TPRG1: variants seen among roughly 807,000 people sequenced by gnomAD.
TPRG1 encodes tumor protein p63-regulated gene 1 protein.
TPRG1 carries 29 observed loss-of-function variants against 29.3 expected under a neutral mutation model. That is an observed-to-expected ratio of 0.99 (90% confidence interval 0.74 to 1.35). The LOEUF is 1.35. TPRG1 is among the 40% of genes most tolerant of loss of function. TPRG1 has a pLI of 0.00. For synonymous variants in TPRG1, 130 were observed against 116.8 expected (o/e 1.11, Z -0.73); for missense variants, 327 against 335.0 (o/e 0.98, Z 0.19).
At chr3:189,298,190 C>G (rs1560669511) in intron 4 of TPRG1, among the ~76,000 whole-genome samples, 1 of 152,142 alleles carries the variant, frequency 6.6e-6, no homozygotes, top group Non-Finnish European at 1.5e-5. Context: ...CATTTCTTGA[C>G]TTTGTACATA....
At chr3:189,003,782 T>G (rs1302353672) in intron 2 of TPRG1, among the ~76,000 whole-genome samples, 2 of 152,194 alleles carry the variant, frequency 1.3e-5, no homozygotes, top group Non-Finnish European at 2.9e-5. Flanking sequence ...AGACTCTTTG[T>G]GTATGCCAGA....
chr3:189,236,179 T>C (rs935917220), intron 3 of TPRG1, among the ~76,000 whole-genome samples: 6 of 152,206 alleles, frequency 3.9e-5, no homozygotes, highest in East Asian at 1.9e-4. Flanking sequence ...TCCTGACATG[T>C]AAATTATGCA....
chr3:189,107,950 C>T lies in TPRG1; in HGVS notation c.-744+7746C>T, dbSNP rs534122278. Among the ~76,000 whole-genome samples, 24 of 152,058 alleles carry T rather than the reference C, an allele frequency of 1.6e-4. No individual in the cohort carries two copies. In the South Asian group the frequency reaches 2.9e-3, roughly 18 times the overall value. ...ATTGCATAGAATCATAAGGTTGTATCGTAACAAGAGATTTTATAGGCCGTT... is the reference window on the plus strand; with the variant it reads ...ATTGCATAGAATCATAAGGTTGTATTGTAACAAGAGATTTTATAGGCCGTT... On this transcript the variant is annotated intron_variant, in intron 1 of 6. Coordinates refer to the TPRG1 transcript ENST00000412373.
At chr3:189,061,502 A>G (rs1437305490) in intron 4 of TPRG1, among the ~76,000 whole-genome samples, 2 of 152,246 alleles carry the variant, frequency 1.3e-5, no homozygotes, top group African/African-American at 2.4e-5. Flanking sequence ...GAGTAAACAG[A>G]CAATGTACAG....
chr3:189,019,085 T>A (rs1446859428), intron 3 of TPRG1, among the ~76,000 whole-genome samples: 2 of 151,802 alleles, frequency 1.3e-5, no homozygotes, highest in African/African-American at 4.8e-5. Context: ...TGATTTTGTA[T>A]CCTGAGACTT....
chr3:189,076,537 T>C (rs1261622277), intron 4 of TPRG1, among the ~76,000 whole-genome samples: 1 of 152,174 alleles, frequency 6.6e-6, no homozygotes, highest in Non-Finnish European at 1.5e-5. Flanking sequence ...GACTGTTTTT[T>C]TTTTTACAAA....
At chr3:189,210,762 T>A in intron 2 of TPRG1, among the ~76,000 whole-genome samples, 1 of 151,946 alleles carries the variant, frequency 6.6e-6, no homozygotes, top group South Asian at 2.1e-4. Flanking sequence ...TAGTGATCAC[T>A]GACTTGCCCA....
At chr3:189,286,071 A>AAACATGCT (rs1718011265) in intron 4 of TPRG1, among the ~76,000 whole-genome samples, 1 of 152,102 alleles carries the variant, frequency 6.6e-6, no homozygotes, top group Non-Finnish European at 1.5e-5. Context: ...ACTCTGCTAG[A>AAACATGCT]AACATGCTGG....
chr3:189,175,609 A>C (rs775464920), intron 1 of TPRG1, among the ~76,000 whole-genome samples: 1 of 152,250 alleles, frequency 6.6e-6, no homozygotes, highest in Non-Finnish European at 1.5e-5. Flanking sequence ...TTAGCTCTAC[A>C]TTAGGATTTT....
chr3:189,260,180 G>C (rs1340234765), intron 4 of TPRG1, among the ~76,000 whole-genome samples: 3 of 152,156 alleles, frequency 2.0e-5, no homozygotes, highest in Non-Finnish European at 4.4e-5. Flanking sequence ...TTGGATAATA[G>C]TATCTCTCTT....
intron 5 of TPRG1, among the ~76,000 whole-genome samples, chr3:189,153,230 T>C (rs1578562297): frequency 6.6e-6 from 1 of 152,234 alleles, no homozygotes; most frequent in South Asian, 2.1e-4. Flanking sequence ...CTTTTTTAAA[T>C]AAAGATTTTA....
chr3:189,103,552 C>A (rs1719454318), intron 1 of TPRG1, among the ~76,000 whole-genome samples: 1 of 152,152 alleles, frequency 6.6e-6, no homozygotes, highest in Non-Finnish European at 1.5e-5. Flanking sequence ...TCTTATATAT[C>A]ATGAGACAGA....
intron 4 of TPRG1, among the ~76,000 whole-genome samples, chr3:189,031,845 A>C (rs1713950230): frequency 6.6e-6 from 1 of 152,220 alleles, no homozygotes; most frequent in African/African-American, 2.4e-5. Flanking sequence ...GCACTCTTGG[A>C]AAAAGTGTCT....
At chr3:189,183,267 G>C (rs1271331441) in intron 1 of TPRG1, among the ~76,000 whole-genome samples, 1 of 152,148 alleles carries the variant, frequency 6.6e-6, no homozygotes, top group Non-Finnish European at 1.5e-5. Flanking sequence ...CTTTCAAAAG[G>C]GGAGGGAGTA....
At chr3:189,092,442 C>CTTTT (rs201972502) in intron 4 of TPRG1, among the ~76,000 whole-genome samples, 171 of 131,370 alleles carry the variant, frequency 1.3e-3, no homozygotes, top group African/African-American at 4.6e-3. Flanking sequence ...TCTGAAATTT[C>CTTTT]TTTTTTTTTT....
intron 4 of TPRG1, among the ~76,000 whole-genome samples, chr3:189,304,901 T>TC (rs1164112438): frequency 9.9e-5 from 15 of 152,212 alleles, no homozygotes; most frequent in African/African-American, 3.6e-4. Flanking sequence ...ACTCACAGCC[T>TC]CCCTCTGTTT....
intron 4 of TPRG1, among the ~76,000 whole-genome samples, chr3:189,064,829 AATAG>A (rs1159729807): frequency 6.6e-6 from 1 of 152,216 alleles, no homozygotes; most frequent in Non-Finnish European, 1.5e-5. Flanking sequence ...AACAAGTTGA[AATAG>A]ATAATGTAAG....
chr3:189,113,637 T>C (rs951646104), intron 1 of TPRG1, among the ~76,000 whole-genome samples: 2 of 152,114 alleles, frequency 1.3e-5, no homozygotes, highest in Admixed American at 6.6e-5. Flanking sequence ...GAGATAATCA[T>C]GTGGTTTTTG....
chr3:189,168,857 A>G (rs1728469104), upstream of TPRG1, among the ~76,000 whole-genome samples: 1 of 152,282 alleles, frequency 6.6e-6, no homozygotes, highest in African/African-American at 2.4e-5. Flanking sequence ...TTTTATCTGC[A>G]TGATCCACTA....
Sources: gnomAD v4.1 joint callset for allele counts (sites outside exome capture counted in the v4.1 genomes callset) on GRCh38, gnomAD v4.1.1 for gene constraint, MANE v1.5 for transcripts, NCBI Gene and HGNC (gene_info 2026-07-23, HGNC 2026-07-21) for gene names.